Variants in RPS6KA2 observed in about 807,000 individuals in gnomAD.
RPS6KA2 encodes ribosomal protein S6 kinase A2.
RPS6KA2 carries 42 observed loss-of-function variants against 91.8 expected under a neutral mutation model. The observed-to-expected ratio is 0.46, with a 90% CI of 0.36 to 0.59. The LOEUF (loss-of-function observed/expected upper bound fraction) is 0.59. Among genes scored for constraint, RPS6KA2 ranks in the 20% least tolerant of loss-of-function variants. The pLI is 0.00. For synonymous variants in RPS6KA2, 414 were observed against 393.6 expected, an observed-to-expected ratio of 1.05 and a Z score of -0.61; for missense variants, 798 against 978.5, an observed-to-expected ratio of 0.82 and a Z score of 2.46.
intron 2 of RPS6KA2, among the ~76,000 whole-genome samples, chr6:166,735,430 A>G (rs988776565): frequency 1.3e-5 from 2 of 152,084 alleles, no homozygotes; most frequent in Non-Finnish European, 2.9e-5. Context: ...AGGGTGGGGG[A>G]CAGTTTCAGG....
In RPS6KA2 at chr6:166,420,971, C is replaced by T. The variant is rs1053865935; in HGVS notation, c.1744-1013G>A. ...AATATCGAGTCGGGAGAGCTCGGCTCAATTTCCTTAGAGATGAGAGCAAGG... is the reference window on the plus strand; with the variant it reads ...AATATCGAGTCGGGAGAGCTCGGCTTAATTTCCTTAGAGATGAGAGCAAGG... On this transcript the variant is annotated intron_variant, in intron 17 of 20. Coordinates refer to ENST00000265678, the MANE Select transcript of RPS6KA2 (RefSeq NM_021135.6). 2.6e-5 allele frequency among the ~76,000 whole-genome samples: 4 copies of T among 152,150 alleles called. No homozygotes were observed. In the East Asian group the frequency reaches 7.7e-4, roughly 29 times the overall value.
intron 2 of RPS6KA2, among the ~76,000 whole-genome samples, chr6:166,706,706 CA>C (rs1789689887): frequency 1.3e-5 from 2 of 152,304 alleles, no homozygotes; most frequent in African/African-American, 4.8e-5. Flanking sequence ...GCACAGTACC[CA>C]GGGGGAAGTA....
chr6:166,479,490 G>T (rs1022565860), intron 10 of RPS6KA2, among the ~76,000 whole-genome samples: 12 of 152,202 alleles, frequency 7.9e-5, no homozygotes, highest in Non-Finnish European at 4.4e-5. Context: ...AGAGCATGGT[G>T]AGTGGCAGCA....
At chr6:166,624,840 A>G (rs1186953205) in intron 1 of RPS6KA2, among the ~76,000 whole-genome samples, 1 of 150,692 alleles carries the variant, frequency 6.6e-6, no homozygotes, top group African/African-American at 2.4e-5. Flanking sequence ...ATTAGCATTG[A>G]CCTTTTTTTT....
At chr6:166,632,803 A>G (rs79754167) in intron 2 of RPS6KA2, among the ~76,000 whole-genome samples, 344 of 152,300 alleles carry the variant, frequency 2.3e-3, no homozygotes, top group Middle Eastern at 6.8e-3. Context: ...GCCCGAGCTT[A>G]GTGAGGGAGG....
intron 2 of RPS6KA2, among the ~76,000 whole-genome samples, chr6:166,839,694 G>GGAGGA (rs752856342): frequency 0.011 from 71 of 6,192 alleles, 2 homozygotes; most frequent in Middle Eastern, 0.25. Flanking sequence ...AGAGGAGAGG[G>GGAGGA]GAGGAGAGGA....
Position 166,647,556 on chromosome 6 carries a change from C to T in RPS6KA2, c.124-108772G>A, listed in dbSNP as rs149336563. On this transcript the variant is annotated intron_variant, in intron 2 of 21. Coordinates refer to the RPS6KA2 transcript ENST00000503859. ...AAAGTTCACATCTCTCAGCTGACCA[C>T]GCAAGGTTCTACATGCCCGTTCCAC... is the stretch of plus-strand genomic sequence containing the variant. Among the ~76,000 whole-genome samples the T allele has an allele frequency of 7.0e-4, 107 of 152,320 alleles. No homozygotes were observed. In the East Asian group the frequency reaches 0.015, roughly 22 times the overall value.
At chr6:166,851,072 C>T (rs1255735062) in intron 2 of RPS6KA2, among the ~76,000 whole-genome samples, 7 of 152,220 alleles carry the variant, frequency 4.6e-5, no homozygotes, top group South Asian at 4.1e-4. Context: ...AATTACATCA[C>T]CTTTGGTGCC....
rs1041106548 is a variant in RPS6KA2, at chr6:166,443,669, G to A, written c.1332+5055C>T. On this transcript the variant is annotated intron_variant, in intron 14 of 20. Coordinates refer to ENST00000265678, the MANE Select transcript of RPS6KA2 (RefSeq NM_021135.6). ...TAATTTGCTGCAGCTATGATTTAAT[G>A]CTGAATCTATGTTTGTTTACATTTA... Among the ~76,000 whole-genome samples the A allele has an allele frequency of 3.3e-5, 5 of 152,266 alleles. No homozygotes were observed. The East Asian group carries it at 7.7e-4, about 24-fold the overall frequency.
chr6:166,530,789 A>T (rs1436778326), intron 3 of RPS6KA2, among the ~76,000 whole-genome samples: 1 of 152,258 alleles, frequency 6.6e-6, no homozygotes, highest in Non-Finnish European at 1.5e-5. Flanking sequence ...GGAGCTGGGC[A>T]GAAATCGGTA....
intron 1 of RPS6KA2, among the ~76,000 whole-genome samples, chr6:166,574,804 C>T (rs1473305211): frequency 6.6e-6 from 1 of 152,028 alleles, no homozygotes; most frequent in Non-Finnish European, 1.5e-5. Flanking sequence ...CAGGTTAATT[C>T]ATCAGGTAGC....
chr6:166,806,299 A>T (rs1779491177), intron 2 of RPS6KA2, among the ~76,000 whole-genome samples: 1 of 152,210 alleles, frequency 6.6e-6, no homozygotes, highest in African/African-American at 2.4e-5. Flanking sequence ...AGTATGATGA[A>T]CTCAGAGACT....
intron 16 of RPS6KA2, among the ~76,000 whole-genome samples, chr6:166,430,125 T>C (rs149318756): frequency 6.9e-6 from 1 of 144,756 alleles, no homozygotes; most frequent in African/African-American, 2.7e-5. Context: ...GCCCAGCTAA[T>C]TTTTTTTTTG....
chr6:166,859,084 T>C (rs9348200), intron 1 of RPS6KA2, among the ~76,000 whole-genome samples: 68,898 of 90,072 alleles, frequency 0.76, 32,299 homozygotes, highest in East Asian at 0.96. Context: ...ACACGCAAAG[T>C]GAACTGCTGT....
At chr6:166,783,703 T>A (rs1273757387) in intron 2 of RPS6KA2, among the ~76,000 whole-genome samples, 1 of 148,972 alleles carries the variant, frequency 6.7e-6, no homozygotes, top group South Asian at 2.1e-4. Flanking sequence ...ACTACATATA[T>A]ATGTGAACAC....
intron 2 of RPS6KA2, among the ~76,000 whole-genome samples, chr6:166,851,948 C>T (rs191425559): frequency 4.9e-4 from 74 of 152,180 alleles, no homozygotes; most frequent in Non-Finnish European, 9.0e-4. Flanking sequence ...ATATGCTGTC[C>T]CAATCTTCTT....
Position 166,411,398 on chromosome 6 carries a change from T to G in RPS6KA2, c.*1364A>C, listed in dbSNP as rs1433014854. ...AGGGGCTGAGCGGCGCCTCCTCCCATCTAGTCTGCTTGGGGGCCGCCAGGG... is the reference window on the plus strand; with the variant it reads ...AGGGGCTGAGCGGCGCCTCCTCCCAGCTAGTCTGCTTGGGGGCCGCCAGGG... On this transcript the variant is annotated 3_prime_UTR_variant, in exon 21 of 21. Transcript: ENST00000265678. The surrounding 1 kb of genome is among the most constrained non-coding windows in gnomAD (Gnocchi z 4.5). 1 of 151,988 alleles carries G rather than the reference T, an allele frequency of 6.6e-6. No homozygotes were observed. Among genetic ancestry groups the G allele is most frequent in the African/African-American group, 2.4e-5 (1 of 41,364 alleles). 9.4% of individuals were successfully genotyped at this position (151,988 alleles called of 1,614,324 possible). A position where few individuals can be genotyped will look rare whatever the true frequency, so the allele number is the denominator to read the frequency against.
chr6:166,793,574 G>T (rs1583126034), intron 2 of RPS6KA2, among the ~76,000 whole-genome samples: 2 of 149,580 alleles, frequency 1.3e-5, no homozygotes, highest in Admixed American at 6.7e-5. Flanking sequence ...GAACAAAGCT[G>T]GAGGCATCAC....
At chr6:166,773,525 G>C (rs9459741) in intron 2 of RPS6KA2, among the ~76,000 whole-genome samples, 107,346 of 151,930 alleles carry the variant, frequency 0.71, 38,112 homozygotes, top group East Asian at 0.84. Context: ...CCTCAGCCTC[G>C]TGAGTAGCTG....
Sources: gnomAD v4.1 joint callset for allele counts (sites outside exome capture counted in the v4.1 genomes callset) on GRCh38, gnomAD v4.1.1 for gene constraint, Gnocchi (gnomAD v3.1) non-coding constraint, MANE v1.5 for transcripts, NCBI Gene and HGNC (gene_info 2026-07-23, HGNC 2026-07-21) for gene names.